Variants in ARB2A observed in about 807,000 individuals in gnomAD.
The protein encoded by ARB2A is ARB2 cotranscriptional regulator A.
chr5:94,033,754 A>T, the ARB2A span, among the ~76,000 whole-genome samples: 1 of 152,180 alleles, frequency 6.6e-6, no homozygotes, highest in African/African-American at 2.4e-5. Flanking sequence ...TGTAAGAAGG[A>T]CATGAGTTTT....
the ARB2A span, among the ~76,000 whole-genome samples, chr5:94,089,734 A>C: frequency 6.6e-6 from 1 of 152,138 alleles, no homozygotes; most frequent in African/African-American, 2.4e-5. Context: ...AAGCAAGTTT[A>C]AACGAAGATT....
the ARB2A span, among the ~76,000 whole-genome samples, chr5:93,713,857 A>G: frequency 1.3e-5 from 2 of 152,168 alleles, no homozygotes. Context: ...CTCCTAAGAG[A>G]GGACCTCATG....
the ARB2A span, among the ~76,000 whole-genome samples, chr5:93,948,797 C>T: frequency 6.6e-6 from 1 of 152,168 alleles, no homozygotes; most frequent in Non-Finnish European, 1.5e-5. Context: ...CATCTTCAAA[C>T]TCTTGTGCTA....
chr5:93,686,574 T>C, the ARB2A span, among the ~76,000 whole-genome samples: 1 of 152,230 alleles, frequency 6.6e-6, no homozygotes, highest in Non-Finnish European at 1.5e-5. Flanking sequence ...TTTCTTCCTA[T>C]TAGCCCTTGT....
chr5:93,642,007 G>A, the ARB2A span, among the ~76,000 whole-genome samples: 1 of 152,112 alleles, frequency 6.6e-6, no homozygotes, highest in Non-Finnish European at 1.5e-5. Flanking sequence ...TTTTTAGACA[G>A]GGTCTTGCTC....
At chr5:93,788,213 A>T in the ARB2A span, among the ~76,000 whole-genome samples, 35 of 152,140 alleles carry the variant, frequency 2.3e-4, no homozygotes, top group Non-Finnish European at 4.6e-4. Flanking sequence ...GAGGGGGGGA[A>T]ATCCTGTTTA....
chr5:93,776,263 A>G, the ARB2A span: 1 of 1,573,618 alleles, frequency 6.4e-7, no homozygotes, highest in South Asian at 1.2e-5. Context: ...AATAGAGACA[A>G]TATTGTTGAA....
At chr5:94,051,498 C>A in the ARB2A span, among the ~76,000 whole-genome samples, 17 of 152,260 alleles carry the variant, frequency 1.1e-4, no homozygotes, top group Middle Eastern at 0.01. Context: ...CTAATAATTT[C>A]AAGGGCACAA....
the ARB2A span, among the ~76,000 whole-genome samples, chr5:93,828,002 T>G: frequency 6.6e-6 from 1 of 152,228 alleles, no homozygotes; most frequent in Admixed American, 6.5e-5. Flanking sequence ...AGCCTTGTAG[T>G]ATAGTTTGAA....
At chr5:94,002,959 G>GA in the ARB2A span, among the ~76,000 whole-genome samples, 1 of 151,934 alleles carries the variant, frequency 6.6e-6, no homozygotes, top group South Asian at 2.1e-4. Flanking sequence ...CAGCAATATG[G>GA]AAAAAAACAG....
At chr5:93,943,397 G>C in the ARB2A span, among the ~76,000 whole-genome samples, 6 of 151,988 alleles carry the variant, frequency 3.9e-5, no homozygotes, top group East Asian at 1.2e-3. Context: ...TTGAACAAAG[G>C]TATATTTAAA....
chr5:93,682,260 AC>A, the ARB2A span, among the ~76,000 whole-genome samples: 128 of 143,308 alleles, frequency 8.9e-4, 1 homozygote, highest in Admixed American at 1.9e-3. Context: ...AAAAAAAAAA[AC>A]ATTTCTCACA....
chr5:93,660,621 T>C, the ARB2A span, among the ~76,000 whole-genome samples: 327 of 152,244 alleles, frequency 2.1e-3, no homozygotes, highest in African/African-American at 7.5e-3. Flanking sequence ...AAGAGTGTGA[T>C]GGACACAGAA....
chr5:94,010,154 C>T, the ARB2A span, among the ~76,000 whole-genome samples: 1 of 151,866 alleles, frequency 6.6e-6, no homozygotes, highest in African/African-American at 2.4e-5. Context: ...AATCTTAAAC[C>T]TTTCTACTTT....
chr5:93,746,327 G>C, the ARB2A span, among the ~76,000 whole-genome samples: 1 of 152,218 alleles, frequency 6.6e-6, no homozygotes, highest in African/African-American at 2.4e-5. Flanking sequence ...ATAGATAATA[G>C]CACTATTTTT....
chr5:93,777,794 C>T, the ARB2A span, among the ~76,000 whole-genome samples: 1 of 152,148 alleles, frequency 6.6e-6, no homozygotes, highest in African/African-American at 2.4e-5. Flanking sequence ...AAGAAGATGT[C>T]AGCTGTGTTG....
chr5:93,631,821 G>T, the ARB2A span, among the ~76,000 whole-genome samples: 1 of 151,520 alleles, frequency 6.6e-6, no homozygotes, highest in Non-Finnish European at 1.5e-5. Flanking sequence ...GAGGGGAGGG[G>T]GGAGAGAGAA....
At chr5:93,951,851 TAAAAGA>T in the ARB2A span, among the ~76,000 whole-genome samples, 5 of 152,062 alleles carry the variant, frequency 3.3e-5, no homozygotes, top group African/African-American at 9.7e-5. Context: ...ATACAAAAAT[TAAAAGA>T]AAAAGAAAAA....
the ARB2A span, among the ~76,000 whole-genome samples, chr5:93,901,623 A>G: frequency 1.3e-5 from 2 of 152,142 alleles, no homozygotes; most frequent in African/African-American, 4.8e-5. Flanking sequence ...AGAAGTTCAA[A>G]GTCTAGTCTA....
Sources: gnomAD v4.1 joint callset for allele counts (sites outside exome capture counted in the v4.1 genomes callset) on GRCh38, gnomAD v4.1.1 for gene constraint, MANE v1.5 for transcripts, NCBI Gene and HGNC (gene_info 2026-07-23, HGNC 2026-07-21) for gene names.